SLC39A11: variants seen among roughly 807,000 people sequenced by gnomAD.
The protein encoded by SLC39A11 is zinc transporter ZIP11.
SLC39A11 carries 33 observed loss-of-function variants against 36.1 expected under a neutral mutation model. That is an observed-to-expected ratio of 0.91 (90% CI 0.69 to 1.22). SLC39A11 has a LOEUF of 1.22. Among genes scored for constraint, SLC39A11 ranks in the 50% most tolerant of loss-of-function variants. The pLI is 0.00. For synonymous variants in SLC39A11, 166 were observed against 170.3 expected, an observed-to-expected ratio of 0.97 and a Z score of 0.20; for missense variants, 432 against 430.3, an observed-to-expected ratio of 1.00 and a Z score of -0.03.
chr17:73,071,577 T>C (rs191203081), intron 3 of SLC39A11, among the ~76,000 whole-genome samples: 89 of 152,286 alleles, frequency 5.8e-4, no homozygotes, highest in Non-Finnish European at 1.0e-3. Context: ...GTCCCGATGG[T>C]TCTTGCTCAA....
chr17:72,780,175 G>A (rs1351520590), intron 6 of SLC39A11, among the ~76,000 whole-genome samples: 2 of 152,172 alleles, frequency 1.3e-5, no homozygotes, highest in Non-Finnish European at 2.9e-5. Context: ...CTGATTAAGA[G>A]TTCCAAGTGG....
chr17:72,810,167 C>T (rs2077390636), intron 6 of SLC39A11, among the ~76,000 whole-genome samples: 1 of 151,860 alleles, frequency 6.6e-6, no homozygotes, highest in South Asian at 2.1e-4. Context: ...ATATCTTTCC[C>T]CAATTCTCAA....
intron 7 of SLC39A11, 40 bp downstream of exon 7, chr17:72,736,610 G>T (rs1384318811): frequency 6.3e-7 from 1 of 1,580,330 alleles, no homozygotes; most frequent in Non-Finnish European, 8.7e-7. Flanking sequence ...GCACCCCTGG[G>T]TGCAGAACCA....
intron 5 of SLC39A11, among the ~76,000 whole-genome samples, chr17:72,911,529 C>T (rs1359378543): frequency 6.6e-6 from 1 of 152,138 alleles, no homozygotes; most frequent in Non-Finnish European, 1.5e-5. Flanking sequence ...CCTTACCCTC[C>T]CGACCTCCCT....
intron 7 of SLC39A11, among the ~76,000 whole-genome samples, chr17:72,697,793 C>T (rs1217925640): frequency 6.7e-6 from 1 of 148,742 alleles, no homozygotes; most frequent in South Asian, 2.2e-4. Context: ...GCTCCTATGT[C>T]TGATTTGACT....
rs542510868 is a variant in SLC39A11, at chr17:72,717,284, C to T, written c.671+19366G>A. ...GAGAGGACCTCAGGGACAGAGAAGA[C>T]GCCGATGGAGGTAGGGAGACCCGAT... On this transcript the variant is annotated intron_variant, in intron 7 of 9. Coordinates refer to ENST00000255559, the MANE Select transcript of SLC39A11 (RefSeq NM_139177.4). 4.6e-5 allele frequency among the ~76,000 whole-genome samples: 7 copies of T among 152,044 alleles called. No homozygotes were observed. In the East Asian group the frequency reaches 5.8e-4, roughly 13 times the overall value.
At chr17:72,778,908 T>C (rs1198268424) in intron 6 of SLC39A11, among the ~76,000 whole-genome samples, 1 of 152,230 alleles carries the variant, frequency 6.6e-6, no homozygotes, top group Non-Finnish European at 1.5e-5. Flanking sequence ...AGGAGTTCTT[T>C]TATGGATCCA....
intron 7 of SLC39A11, among the ~76,000 whole-genome samples, chr17:72,681,756 G>A (rs752638390): frequency 1.5e-4 from 23 of 152,192 alleles, no homozygotes; most frequent in African/African-American, 2.6e-4. Flanking sequence ...CCTCCACAGC[G>A]AACTCAGTGT....
chr17:73,062,906 T>A (rs527947532), intron 3 of SLC39A11, among the ~76,000 whole-genome samples: 14 of 152,246 alleles, frequency 9.2e-5, no homozygotes, highest in Admixed American at 3.9e-4. Flanking sequence ...CAGGAGGAGT[T>A]CAGGAGGTAA....
chr17:72,679,652 T>G (rs928192772), intron 7 of SLC39A11, among the ~76,000 whole-genome samples: 3 of 152,176 alleles, frequency 2.0e-5, no homozygotes, highest in African/African-American at 7.2e-5. Context: ...TAGAGACATG[T>G]TGCAGGAGGT....
chr17:72,791,000 C>A (rs544731303), intron 6 of SLC39A11, among the ~76,000 whole-genome samples: 1 of 152,224 alleles, frequency 6.6e-6, no homozygotes, highest in Non-Finnish European at 1.5e-5. Context: ...GATATTTACA[C>A]GAATCCAGTG....
At chr17:72,666,231 T>C (rs2070750090) in intron 7 of SLC39A11, among the ~76,000 whole-genome samples, 1 of 152,224 alleles carries the variant, frequency 6.6e-6, no homozygotes, top group Non-Finnish European at 1.5e-5. Flanking sequence ...GAGACAGGCC[T>C]CTGCCTTTGC....
At chr17:72,901,580 C>T (rs1354758786) in intron 5 of SLC39A11, among the ~76,000 whole-genome samples, 1 of 152,148 alleles carries the variant, frequency 6.6e-6, no homozygotes, top group Non-Finnish European at 1.5e-5. Context: ...TGTGAAGATT[C>T]ACCACTGTCT....
At chr17:73,028,631 T>C (rs2058639066) in intron 4 of SLC39A11, among the ~76,000 whole-genome samples, 1 of 152,130 alleles carries the variant, frequency 6.6e-6, no homozygotes, top group South Asian at 2.1e-4. Flanking sequence ...CTGACCTTTC[T>C]GCCAAGTAGT....
intron 6 of SLC39A11, among the ~76,000 whole-genome samples, chr17:72,761,693 TTTC>T (rs1458181247): frequency 6.6e-6 from 1 of 152,196 alleles, no homozygotes; most frequent in Non-Finnish European, 1.5e-5. Context: ...GCCCAAACTT[TTTC>T]TTTTTTCACT....
chr17:73,082,881 T>C (rs1035517653), intron 3 of SLC39A11, among the ~76,000 whole-genome samples: 1 of 151,640 alleles, frequency 6.6e-6, no homozygotes, highest in African/African-American at 2.4e-5. Context: ...CCAGGCGTGG[T>C]GGTGCACACC....
chr17:72,882,800 T>TTTTTTTTTCTTTTTC (rs2081264287), intron 5 of SLC39A11, among the ~76,000 whole-genome samples: 1 of 117,980 alleles, frequency 8.5e-6, no homozygotes, highest in Admixed American at 7.9e-5. Context: ...AATGCTTCTT[T>TTTTTTTTTCTTTTTC]TTTTTTTTTT....
chr17:73,051,815 G>A (rs899791646), intron 3 of SLC39A11, among the ~76,000 whole-genome samples: 2 of 146,054 alleles, frequency 1.4e-5, no homozygotes, highest in African/African-American at 5.1e-5. Context: ...CTGAGATCTC[G>A]CCACTGTACT....
intron 7 of SLC39A11, among the ~76,000 whole-genome samples, chr17:72,677,750 A>C (rs2071335777): frequency 6.6e-6 from 1 of 152,096 alleles, no homozygotes; most frequent in South Asian, 2.1e-4. Flanking sequence ...AGACTCCCTC[A>C]ATTTTGGTCC....
Sources: allele counts gnomAD v4.1 joint callset (sites outside exome capture counted in the v4.1 genomes callset), GRCh38; gene constraint gnomAD v4.1.1; transcripts MANE v1.5; gene names NCBI Gene and HGNC (gene_info 2026-07-23, HGNC 2026-07-21).